SIN3A: variants seen among roughly 807,000 people sequenced by gnomAD.
The protein encoded by SIN3A is paired amphipathic helix protein Sin3a.
SIN3A carries 14 observed loss-of-function variants against 146.1 expected under a neutral mutation model. The ratio of observed to expected loss-of-function variants is 0.10; its 90% CI spans 0.06 to 0.15. SIN3A has a LOEUF of 0.15. SIN3A is among the 10% of genes least tolerant of loss of function. The pLI, the probability that SIN3A is intolerant of heterozygous loss-of-function variation, is 1.00. For missense variants in SIN3A, 1,028 were observed against 1,576.0 expected, an observed-to-expected ratio of 0.65 and a Z score of 5.89; for synonymous variants, 572 against 572.0, an observed-to-expected ratio of 1.00 and a Z score of 0.00.
chr15:75,413,046 C>A lies in SIN3A; in HGVS notation c.474-1G>T. ...ACTAATCACTCCTGGGGTGTCGATGCTGATAAAAAACAAAAAGAAAAGTGA... is the reference window on the plus strand; with the variant it reads ...ACTAATCACTCCTGGGGTGTCGATGATGATAAAAAACAAAAAGAAAAGTGA... On this transcript the variant is annotated splice_acceptor_variant, in intron 4 of 20. Transcript: ENST00000394947. LOFTEE classifies it high-confidence loss of function. 1 of 1,586,804 alleles carries A rather than the reference C, an allele frequency of 6.3e-7. No individual in the cohort carries two copies. The highest frequency in any genetic ancestry group is 1.9e-5 in the Admixed American group (1 of 52,038).
At position 75,416,210 on chromosome 15, in the gene SIN3A, AG is replaced by A. The variant is rs1316462308; in HGVS notation, c.367-1900del. 4.6e-5 allele frequency among the ~76,000 whole-genome samples: 7 copies of A among 152,358 alleles called. No homozygotes were observed. In the South Asian group the frequency reaches 1.2e-3, roughly 27 times the overall value. On this transcript the variant is annotated intron_variant, in intron 3 of 20. Coordinates refer to ENST00000394947, the MANE Select transcript of SIN3A (RefSeq NM_001145358.2). Reference sequence around the variant, plus strand: ...ACACTTCATTGTTGTTTTGGTGGGAAGGATCACAGGTCACTAATAGAATGTC... The same window carrying A: ...ACACTTCATTGTTGTTTTGGTGGGAAGATCACAGGTCACTAATAGAATGTC...
intron 12 of SIN3A, among the ~76,000 whole-genome samples, chr15:75,396,993 T>C (rs1164642991): frequency 6.6e-6 from 1 of 152,224 alleles, no homozygotes; most frequent in African/African-American, 2.4e-5. Flanking sequence ...TTGAAATATT[T>C]AAATATATTC....
intron 20 of SIN3A, among the ~76,000 whole-genome samples, chr15:75,374,767 A>C (rs2072821225): frequency 6.6e-6 from 1 of 152,182 alleles, no homozygotes; most frequent in African/African-American, 2.4e-5. Flanking sequence ...TCACCAGGCT[A>C]ATTCCTTGTC....
chr15:75,440,982 C>CAAAAAAAAAAAAA (rs769091157), intron 1 of SIN3A, among the ~76,000 whole-genome samples: 8 of 71,490 alleles, frequency 1.1e-4, no homozygotes, highest in African/African-American at 2.0e-4. Flanking sequence ...GACTCTGTCT[C>CAAAAAAAAAAAAA]AAAAAAAAAA....
intron 3 of SIN3A, chr15:75,415,150 G>A (rs1033749000): frequency 5.3e-5 from 8 of 152,220 alleles, no homozygotes; most frequent in African/African-American, 1.9e-4. Context: ...AGGAAGACCA[G>A]GTATGCTACA....
chr15:75,399,443 G>C (rs1380386663), intron 12 of SIN3A, among the ~76,000 whole-genome samples: 1 of 152,016 alleles, frequency 6.6e-6, no homozygotes, highest in Non-Finnish European at 1.5e-5. Flanking sequence ...CAGGAGAATG[G>C]CATGAACCTG....
intron 16 of SIN3A, among the ~76,000 whole-genome samples, chr15:75,386,421 A>G (rs988606176): frequency 3.3e-5 from 5 of 152,244 alleles, no homozygotes; most frequent in Non-Finnish European, 7.3e-5. Flanking sequence ...CAGAAAAGAC[A>G]GCACTACAAA....
At chr15:75,404,624 G>C (rs2073473175) in intron 9 of SIN3A, among the ~76,000 whole-genome samples, 1 of 151,998 alleles carries the variant, frequency 6.6e-6, no homozygotes, top group Non-Finnish European at 1.5e-5. Context: ...GCTGGGTGTG[G>C]TGGTGGGCGC....
chr15:75,447,985 G>C (rs969020972), intron 1 of SIN3A: 1 of 152,086 alleles, frequency 6.6e-6, no homozygotes, highest in Non-Finnish European at 1.5e-5. Context: ...ACCAGCCTGG[G>C]CAACACAGCA....
chr15:75,423,332 T>A (rs1234823782), intron 2 of SIN3A, among the ~76,000 whole-genome samples: 1 of 152,038 alleles, frequency 6.6e-6, no homozygotes, highest in Admixed American at 6.6e-5. Flanking sequence ...CAAAAGGAAC[T>A]GGTTAAATAA....
chr15:75,426,923 C>T (rs2073935212), intron 2 of SIN3A, among the ~76,000 whole-genome samples: 1 of 150,914 alleles, frequency 6.6e-6, no homozygotes, highest in Non-Finnish European at 1.5e-5. Context: ...GAGTGTGACT[C>T]TGTCTCAAAA....
chr15:75,434,131 T>A (rs2074061225), intron 1 of SIN3A, among the ~76,000 whole-genome samples: 1 of 152,214 alleles, frequency 6.6e-6, no homozygotes, highest in Non-Finnish European at 1.5e-5. Context: ...GAAGGAAGAA[T>A]CCCTTTACTT....
At chr15:75,422,895 A>G in intron 2 of SIN3A, 72 bp from the exon 3 acceptor site, 1 of 1,457,040 alleles carries the variant, frequency 6.9e-7, no homozygotes, top group Non-Finnish European at 9.4e-7. Context: ...CTAAATAACT[A>G]ACACAAATGC....
chr15:75,427,714 A>G (rs1265519296), intron 2 of SIN3A, among the ~76,000 whole-genome samples: 1 of 151,914 alleles, frequency 6.6e-6, no homozygotes, highest in Non-Finnish European at 1.5e-5. Context: ...TCACACCTGT[A>G]ATCCCGGTAC....
intron 18 of SIN3A, chr15:75,381,162 C>G (rs943725003): frequency 1.6e-5 from 3 of 183,678 alleles, no homozygotes; most frequent in South Asian, 1.2e-4. Context: ...CACGACCCCC[C>G]CCAACATCAT....
At chr15:75,398,435 G>A (rs2073343957) in intron 12 of SIN3A, among the ~76,000 whole-genome samples, 1 of 152,132 alleles carries the variant, frequency 6.6e-6, no homozygotes, top group Non-Finnish European at 1.5e-5. Context: ...CAGCACTTTG[G>A]AAGGCCAAGA....
At chr15:75,419,670 A>G (rs964074974) in intron 3 of SIN3A, 8 of 151,818 alleles carry the variant, frequency 5.3e-5, no homozygotes, top group African/African-American at 1.9e-4. Flanking sequence ...AAAAAAAAAA[A>G]ATACAAAAAT....
chr15:75,444,546 T>TA lies in SIN3A; in HGVS notation c.-34+6876dup, dbSNP rs919994011. On this transcript the variant is annotated intron_variant, in intron 1 of 20. Transcript: ENST00000394947. ...TCTTTACAAGTAGTTAGTACTGCTT[T>TA]AAAAAAAAAAAGCAAAACTCAAAAA... 2.5e-3 allele frequency among the ~76,000 whole-genome samples: 366 copies of TA among 146,098 alleles called. 1 individual carries two copies. Among genetic ancestry groups the TA allele is most frequent in the African/African-American group, 7.9e-3 (318 of 40,002 alleles).
At chr15:75,433,384 G>A (rs1281500924) in intron 1 of SIN3A, among the ~76,000 whole-genome samples, 1 of 152,054 alleles carries the variant, frequency 6.6e-6, no homozygotes, top group African/African-American at 2.4e-5. Flanking sequence ...CAGTACTATG[G>A]TTTATTCTGA....
Sources: allele counts gnomAD v4.1 joint callset (sites outside exome capture counted in the v4.1 genomes callset), GRCh38; gene constraint gnomAD v4.1.1; transcripts MANE v1.5; gene names NCBI Gene and HGNC (gene_info 2026-07-23, HGNC 2026-07-21).